Variants in HAUS1 observed in about 807,000 individuals in gnomAD.
HAUS1 encodes the protein HAUS augmin like complex subunit 1, also known as HAUS augmin-like complex subunit 1.
A neutral mutation model predicts 38.6 loss-of-function variants in HAUS1; 25 were observed. The observed-to-expected ratio is 0.65, with a 90% CI of 0.47 to 0.91. HAUS1 has a LOEUF of 0.91. Among genes scored for constraint, HAUS1 ranks in the 40% least tolerant of loss-of-function variants. The pLI, the probability that HAUS1 is intolerant of heterozygous loss-of-function variation, is 0.00. For synonymous variants in HAUS1, 109 were observed against 112.9 expected (o/e 0.97, Z 0.22); for missense variants, 325 against 328.4 (o/e 0.99, Z 0.08).
chr18:46,110,857 T>C (rs924631777), intron 2 of HAUS1, among the ~76,000 whole-genome samples: 3 of 150,930 alleles, frequency 2.0e-5, no homozygotes, highest in African/African-American at 7.4e-5. Flanking sequence ...ACAGGTAGTT[T>C]TTTTTTTCTC....
At position 46,127,079 on chromosome 18, in the gene HAUS1, C is replaced by T. The variant is rs371951527; in HGVS notation, c.787-996C>T. Among the ~76,000 whole-genome samples, 14 of 151,964 alleles carry T rather than the reference C, an allele frequency of 9.2e-5. No individual in the cohort carries two copies. In the South Asian group the frequency reaches 1.7e-3, roughly 18 times the overall value. ...GAACTCTTGACCTCAGGTGATCCAC[C>T]CGCCTCAGCCTCCCAAAGTGCTGGA... On this transcript the variant is annotated intron_variant, in intron 8 of 8. Transcript: ENST00000282058.
intron 2 of HAUS1, among the ~76,000 whole-genome samples, chr18:46,112,142 C>T (rs1470480472): frequency 6.7e-6 from 1 of 149,854 alleles, no homozygotes; most frequent in Admixed American, 6.7e-5. Context: ...GCTTTGGCTT[C>T]CCAAAGTGCT....
chr18:46,126,805 A>T (rs7408070), intron 8 of HAUS1: 11,009 of 99,784 alleles, frequency 0.11, 538 homozygotes, highest in Non-Finnish European at 0.14. Context: ...TTGCATTTTT[A>T]TTTATTTATT....
chr18:46,104,498 C>T, intron 1 of HAUS1, 57 bp downstream of exon 1: 3 of 1,387,308 alleles, frequency 2.2e-6, no homozygotes, highest in Non-Finnish European at 2.9e-6. Flanking sequence ...TTTGACACCC[C>T]CGCGCCGACA....
Position 46,116,389 on chromosome 18 carries a change from A to G in HAUS1, c.206-1792A>G, listed in dbSNP as rs112975415. ...TCAGCCTAGGCAACATGGCGAAACT[A>G]CATCTCTAAAAAATTACCAAAATTA... On this transcript the variant is annotated intron_variant, in intron 2 of 8. Transcript: ENST00000282058. Among the ~76,000 whole-genome samples, 875 of 150,836 alleles carry G rather than the reference A, an allele frequency of 5.8e-3. 19 individuals carry two copies. Among genetic ancestry groups the G allele is most frequent in the Admixed American group, 0.033 (501 of 15,054 alleles).
chr18:46,109,301 A>T (rs1911558431), intron 2 of HAUS1, among the ~76,000 whole-genome samples: 1 of 152,082 alleles, frequency 6.6e-6, no homozygotes, highest in African/African-American at 2.4e-5. Context: ...GTAAGGGGGA[A>T]GTCCGCCCCC....
At chr18:46,114,611 C>T (rs973770001) in intron 2 of HAUS1, among the ~76,000 whole-genome samples, 2 of 152,130 alleles carry the variant, frequency 1.3e-5, no homozygotes, top group Admixed American at 6.6e-5. Context: ...GCAGACACAC[C>T]TCTCAACCAC....
chr18:46,114,677 T>G (rs913876626), intron 2 of HAUS1, among the ~76,000 whole-genome samples: 3 of 152,060 alleles, frequency 2.0e-5, no homozygotes, highest in African/African-American at 7.2e-5. Context: ...TGAAAAACAC[T>G]AAAGTCTTGC....
intron 2 of HAUS1, among the ~76,000 whole-genome samples, chr18:46,111,264 T>G (rs1006392593): frequency 6.6e-6 from 1 of 152,150 alleles, no homozygotes; most frequent in African/African-American, 2.4e-5. Flanking sequence ...GCTTCCTGAA[T>G]GTGTATATTA....
intron 2 of HAUS1, among the ~76,000 whole-genome samples, chr18:46,108,517 A>G (rs909387507): frequency 1.3e-5 from 2 of 151,996 alleles, no homozygotes; most frequent in Non-Finnish European, 2.9e-5. Flanking sequence ...CTTAAAATGG[A>G]AAGTTAGGTT....
chr18:46,123,937 T>C (rs1018047112), intron 6 of HAUS1, among the ~76,000 whole-genome samples: 2 of 152,148 alleles, frequency 1.3e-5, no homozygotes, highest in African/African-American at 2.4e-5. Context: ...ATGGGGGTCT[T>C]GCTATGTTGC....
At position 46,112,894 on chromosome 18, in the gene HAUS1, TC is replaced by T. The variant is rs1207972731; in HGVS notation, c.206-5285del. Among the ~76,000 whole-genome samples the T allele has an allele frequency of 2.3e-4, 26 of 111,192 alleles. 2 individuals are homozygous for T. Among genetic ancestry groups the T allele is most frequent in the African/African-American group, 1.0e-3 (26 of 25,690 alleles). 72.9% of individuals were successfully genotyped at this position (111,192 alleles called of 152,430 possible). On this transcript the variant is annotated intron_variant, in intron 2 of 8. Transcript: ENST00000282058. Reference sequence around the variant, plus strand: ...TAATATATATAATGTGTATATATATTCCATATTATATATATAATATATATAA... The same window carrying T: ...TAATATATATAATGTGTATATATATTCATATTATATATATAATATATATAA...
Position 46,123,279 on chromosome 18 carries a change from C to T in HAUS1, c.601-20C>T, listed in dbSNP as rs776531269. 2 of 1,561,010 alleles carry T rather than the reference C, an allele frequency of 1.3e-6. No homozygotes were observed. Among genetic ancestry groups the T allele is most frequent in the East Asian group, 2.2e-5 (1 of 44,558 alleles). ...TTTCAAATAATTTTTTAACTGAACT[C>T]CTTTTTTTGGTAATTGTAGGAGCAA... is the stretch of plus-strand genomic sequence containing the variant. On this transcript the variant is annotated intron_variant, in intron 5 of 8. Transcript: ENST00000282058.
At chr18:46,110,338 T>A (rs1197764953) in intron 2 of HAUS1, among the ~76,000 whole-genome samples, 1 of 118,234 alleles carries the variant, frequency 8.5e-6, no homozygotes, top group Non-Finnish European at 1.8e-5. Flanking sequence ...TTAAGGTTTT[T>A]TTTTTTTTTT....
intron 4 of HAUS1, 26 bp from the exon 5 acceptor site, chr18:46,122,441 A>G (rs1299181214): frequency 6.8e-6 from 11 of 1,607,744 alleles, no homozygotes; most frequent in Non-Finnish European, 8.5e-6. Flanking sequence ...AGAAGAAGAA[A>G]ATGTTTTTAA....
intron 2 of HAUS1, among the ~76,000 whole-genome samples, chr18:46,116,430 G>A (rs1175346439): frequency 1.3e-5 from 2 of 151,634 alleles, no homozygotes; most frequent in African/African-American, 4.8e-5. Flanking sequence ...GCATGGTGGT[G>A]CACACCTGTA....
At chr18:46,118,481 A>G (rs1866322) in intron 3 of HAUS1, 165 bp downstream of exon 3, 77,395 of 614,228 alleles carry the variant, frequency 0.13, 8,096 homozygotes, top group East Asian at 0.43. Context: ...TTGGATAAAT[A>G]TGGTATTGGT....
chr18:46,119,405 T>C (rs1911878722), intron 3 of HAUS1, among the ~76,000 whole-genome samples: 1 of 151,848 alleles, frequency 6.6e-6, no homozygotes. Flanking sequence ...AATCATATAA[T>C]TTCTTGCCTT....
intron 4 of HAUS1, among the ~76,000 whole-genome samples, chr18:46,120,422 C>CG (rs1482365356): frequency 6.6e-6 from 1 of 151,006 alleles, no homozygotes; most frequent in Non-Finnish European, 1.5e-5. Flanking sequence ...TTAGTAGAGA[C>CG]GGGGTTTCTC....
Sources: allele counts gnomAD v4.1 joint callset (sites outside exome capture counted in the v4.1 genomes callset), GRCh38; gene constraint gnomAD v4.1.1; transcripts MANE v1.5; gene names NCBI Gene and HGNC (gene_info 2026-07-23, HGNC 2026-07-21).